TPRX1: variants seen among roughly 807,000 people sequenced by gnomAD.
The protein encoded by TPRX1 is tetra-peptide repeat homeobox protein 1.
Under a neutral mutation model 8.1 loss-of-function variants are expected in TPRX1, and 2 were observed. The ratio of observed to expected loss-of-function variants is 0.25; its 90% CI spans 0.10 to 0.78. The LOEUF (loss-of-function observed/expected upper bound fraction) is 0.78, where lower values mean the gene tolerates loss of function less well. TPRX1 is among the 30% of genes least tolerant of loss of function. The probability of loss-of-function intolerance (pLI) is 0.70; values close to 1 mark genes in which losing one functional copy is unlikely to be tolerated. For synonymous variants in TPRX1, 257 were observed against 254.1 expected (o/e 1.01, Z -0.11); for missense variants, 517 against 586.9 (o/e 0.88, Z 1.23).
At chr19:47,802,554 TTGGGCCACGGAA>T (rs1490469479) in exon 4 of TPRX1, 1 of 1,542,012 alleles carries the variant, frequency 6.5e-7, no homozygotes, top group African/African-American at 1.4e-5. Context: ...GGGCCTGGGA[TTGGGCCACGGAA>T]TGGGCCTGGG....
In TPRX1 at chr19:47,802,477, C is replaced by T. The variant is rs77880834; in HGVS notation, c.825G>A (p.Pro275=). ...TCGGGCCTGGGTTTGGGCCTGGGAT[C>T]GGGCCTGGGTTTGGGCCTGAGAATG... Residue 275 remains proline, a synonymous_variant, in exon 4 of 4, where the codon CCG becomes CCA. Transcript: ENST00000535759. 5.8e-3 allele frequency: 8,581 copies of T among 1,484,576 alleles called. 406 individuals carry two copies. In the African/African-American group the frequency reaches 0.12, roughly 20 times the overall value. 92.0% of individuals were successfully genotyped at this position (1,484,576 alleles called of 1,614,324 possible).
At chr19:47,809,132 T>C (rs1413656170) in intron 2 of TPRX1, among the ~76,000 whole-genome samples, 1 of 152,210 alleles carries the variant, frequency 6.6e-6, no homozygotes, top group Non-Finnish European at 1.5e-5. Flanking sequence ...TCAAAGGTGC[T>C]GAGTAATAAT....
rs149776735 is a variant in TPRX1 at position 47,812,880 on chromosome 19, T to G, written c.151+5588A>C. On this transcript the variant is annotated intron_variant, in intron 2 of 3. Transcript: ENST00000535759. ...TAGCGCTTTGGGAGGCCGAGGCGGG[T>G]GGATCACTTGAGGTCAGGAGTTCAA... 8.5e-3 allele frequency among the ~76,000 whole-genome samples: 1,275 copies of G among 150,464 alleles called. 20 individuals carry two copies. Among genetic ancestry groups the G allele is most frequent in the African/African-American group, 0.03 (1,207 of 40,910 alleles).
chr19:47,811,288 G>A (rs1013164286), intron 2 of TPRX1, among the ~76,000 whole-genome samples: 1 of 151,868 alleles, frequency 6.6e-6, no homozygotes, highest in Non-Finnish European at 1.5e-5. Flanking sequence ...ACAGGTGTGA[G>A]CCACCGCACC....
At chr19:47,807,571 C>T (rs545923846) in intron 2 of TPRX1, among the ~76,000 whole-genome samples, 1 of 152,052 alleles carries the variant, frequency 6.6e-6, no homozygotes, top group East Asian at 1.9e-4. Flanking sequence ...TGGGGTTTCA[C>T]CATGTTAGCC....
chr19:47,814,701 C>A (rs2123719843), intron 2 of TPRX1, among the ~76,000 whole-genome samples: 1 of 152,258 alleles, frequency 6.6e-6, no homozygotes, highest in Non-Finnish European at 1.5e-5. Context: ...TGCAAGGAAT[C>A]TTTGCAGAGT....
chr19:47,818,085 A>C (rs561001798), intron 2 of TPRX1, among the ~76,000 whole-genome samples: 1 of 152,340 alleles, frequency 6.6e-6, no homozygotes, highest in African/African-American at 2.4e-5. Context: ...GGGCAGCCCC[A>C]CAGTCTGACC....
chr19:47,802,515 G>A (rs998707960), exon 4 of TPRX1: 1 of 1,548,462 alleles, frequency 6.5e-7, no homozygotes, highest in Admixed American at 2.0e-5. Context: ...CCTGAGATTG[G>A]GCCTGGGATC....
At position 47,813,260 on chromosome 19, in the gene TPRX1, G is replaced by T. The variant is rs959915374; in HGVS notation, c.151+5208C>A. Reference sequence around the variant, plus strand: ...GAGGATCGCTGGAGTCTGGGAGGTTGAGGCTGCAATGAGCAGTGATTCCCC... The same window carrying T: ...GAGGATCGCTGGAGTCTGGGAGGTTTAGGCTGCAATGAGCAGTGATTCCCC... On this transcript the variant is annotated intron_variant, in intron 2 of 3. Coordinates refer to ENST00000535759, the Ensembl canonical transcript of TPRX1. Among the ~76,000 whole-genome samples, 59 of 151,540 alleles carry T rather than the reference G, an allele frequency of 3.9e-4. 1 individual carries two copies. The highest frequency in any genetic ancestry group is 3.4e-3 in the Middle Eastern group (1 of 292).
rs759338638 is a variant in TPRX1 at position 47,802,880 on chromosome 19, G to A, written c.422C>T (p.Ala141Val). ...GGCAGAGGCTGCAGGGACTAGGGGC[G>A]CAGCGCGGGCTCCTCGGCCTCTCTG... The change falls in exon 4 of 4, where the codon GCG becomes GTG. Residue 141 changes from alanine (A) to valine (V), a missense_variant. Ala to Val is a moderately conservative substitution (Grantham distance 64). Around this residue, in one of 3 missense-constraint regions of TPRX1, gnomAD observed 506 missense variants for 515.5 expected, o/e 0.98. Coordinates refer to ENST00000535759, the Ensembl canonical transcript of TPRX1. 24 of 1,587,956 alleles carry A rather than the reference G, an allele frequency of 1.5e-5. No homozygotes were observed. Among genetic ancestry groups the A allele is most frequent in the East Asian group, 4.5e-5 (2 of 44,394 alleles).
intron 2 of TPRX1, among the ~76,000 whole-genome samples, chr19:47,813,927 A>G (rs189105530): frequency 2.1e-5 from 2 of 93,240 alleles, no homozygotes; most frequent in East Asian, 3.5e-4. Context: ...ACCAGAAGAC[A>G]GAGGGGACAG....
chr19:47,815,147 A>AATATATATATATATGCAAAT (rs1967825804), intron 2 of TPRX1, among the ~76,000 whole-genome samples: 1 of 35,022 alleles, frequency 2.9e-5, no homozygotes, highest in Non-Finnish European at 6.1e-5. Context: ...TATATATGCA[A>AATATATATATATATGCAAAT]ATATATATAT....
At chr19:47,809,288 CT>C (rs1001762433) in intron 2 of TPRX1, among the ~76,000 whole-genome samples, 3 of 150,366 alleles carry the variant, frequency 2.0e-5, no homozygotes, top group South Asian at 2.1e-4. Context: ...TTTTTCTTTC[CT>C]TTTTTTTTGG....
chr19:47,803,073 C>T, intron 3 of TPRX1, 93 bp from the exon 3 acceptor site: 2 of 1,404,748 alleles, frequency 1.4e-6, no homozygotes, highest in Admixed American at 2.6e-5. Context: ...GAAGCCTCTC[C>T]CTGTGCTCAA....
Position 47,816,725 on chromosome 19 carries a change from G to A in TPRX1, c.151+1743C>T, listed in dbSNP as rs371104513. On this transcript the variant is annotated intron_variant, in intron 2 of 3. Coordinates refer to ENST00000535759, the Ensembl canonical transcript of TPRX1. ...TTTTTGTATTTTTTAGTAGAGATGGGGTTTCACCATGTTAGCCAGGATGGT... is the reference window on the plus strand; with the variant it reads ...TTTTTGTATTTTTTAGTAGAGATGGAGTTTCACCATGTTAGCCAGGATGGT... Among the ~76,000 whole-genome samples the A allele has an allele frequency of 7.6e-4, 115 of 151,260 alleles. 2 individuals carry two copies. The highest frequency in any genetic ancestry group is 2.6e-3 in the African/African-American group (107 of 41,164).
intron 2 of TPRX1, among the ~76,000 whole-genome samples, chr19:47,817,019 C>G (rs185240868): frequency 1.3e-5 from 2 of 152,234 alleles, no homozygotes; most frequent in East Asian, 3.9e-4. Flanking sequence ...GTGTCCTTGC[C>G]CTGGGGATCA....
At chr19:47,813,073 C>T (rs112398946) in intron 2 of TPRX1, among the ~76,000 whole-genome samples, 39,780 of 150,908 alleles carry the variant, frequency 0.26, 5,687 homozygotes, top group Middle Eastern at 0.36. Context: ...CACCACTGCA[C>T]TCCAGCCTGG....
intron 2 of TPRX1, among the ~76,000 whole-genome samples, chr19:47,810,155 T>C (rs1363401670): frequency 7.1e-6 from 1 of 140,138 alleles, no homozygotes; most frequent in Non-Finnish European, 1.5e-5. Flanking sequence ...CTTGGGAGGC[T>C]GAGTTAGGAG....
At chr19:47,810,994 T>G (rs1472054970) in intron 2 of TPRX1, among the ~76,000 whole-genome samples, 1 of 78,068 alleles carries the variant, frequency 1.3e-5, no homozygotes, top group African/African-American at 3.8e-5. Context: ...TTGCTCTCTG[T>G]TTTTTTTTTT....
Sources: allele counts gnomAD v4.1 joint callset (sites outside exome capture counted in the v4.1 genomes callset), GRCh38; gene constraint gnomAD v4.1.1; regional missense constraint gnomAD v4.1.1; transcripts MANE v1.5; gene names NCBI Gene and HGNC (gene_info 2026-07-23, HGNC 2026-07-21).